The following TTBK2 variants were observed in gnomAD, a reference collection of about 807,000 sequenced individuals.
TTBK2 encodes tau-tubulin kinase 2.
A neutral mutation model predicts 110.8 loss-of-function variants in TTBK2; 28 were observed. That is an observed-to-expected ratio of 0.25 (90% CI 0.19 to 0.35). TTBK2 has a LOEUF of 0.35. Ranked by LOEUF, TTBK2 falls within the 10% of genes least tolerant of loss-of-function variation. TTBK2 has a pLI of 1.00. For missense variants in TTBK2, 1,369 were observed against 1,500.3 expected (o/e 0.91, Z 1.45); for synonymous variants, 532 against 527.3 (o/e 1.01, Z -0.12).
At chr15:42,886,082 C>G (rs190996908) in intron 1 of TTBK2, among the ~76,000 whole-genome samples, 68 of 152,200 alleles carry the variant, frequency 4.5e-4, no homozygotes, top group African/African-American at 1.5e-3. Flanking sequence ...GAGACTCATT[C>G]CAAATCTTTC....
intron 1 of TTBK2, among the ~76,000 whole-genome samples, chr15:42,904,115 C>T (rs2030231964): frequency 6.6e-6 from 1 of 152,150 alleles, no homozygotes; most frequent in Non-Finnish European, 1.5e-5. Flanking sequence ...TTGATTGCAG[C>T]CTATGACTGA....
chr15:42,775,678 A>G lies in TTBK2; in HGVS notation c.1455T>C (p.Ile485=), dbSNP rs1889885978. 6.2e-7 allele frequency: 1 copy of G among 1,613,356 alleles called. No homozygotes were observed. Among genetic ancestry groups the G allele is most frequent in the Non-Finnish European group, 8.5e-7 (1 of 1,179,828 alleles). The change falls in exon 13 of 15, where the codon ATT becomes ATC. Residue 485 remains isoleucine, a synonymous_variant. Coordinates refer to ENST00000267890, the MANE Select transcript of TTBK2 (RefSeq NM_173500.4). ...QKDTSAGKES[I]LPALLHKPCV... is the part of the protein sequence containing the mutation. ...AAGGCTTATGCAGCAGAGCAGGGAG[A>G]ATAGATTCTTTTCCTGCACTGGTAT... is the stretch of plus-strand genomic sequence containing the variant.
At chr15:42,819,374 G>C (rs1388985594) in intron 6 of TTBK2, among the ~76,000 whole-genome samples, 5 of 149,930 alleles carry the variant, frequency 3.3e-5, no homozygotes, top group Non-Finnish European at 4.4e-5. Context: ...GTCCTTACCA[G>C]AATAATTTGG....
chr15:42,868,096 G>T (rs1894453591), intron 3 of TTBK2, among the ~76,000 whole-genome samples: 1 of 152,162 alleles, frequency 6.6e-6, no homozygotes. Context: ...AAAGTAAAAA[G>T]ATTAGTCATT....
At chr15:42,755,361 G>A (rs76081565) in intron 13 of TTBK2, among the ~76,000 whole-genome samples, 8,417 of 152,202 alleles carry the variant, frequency 0.055, 674 homozygotes, top group African/African-American at 0.17. Flanking sequence ...TCGATCTCTA[G>A]TCCAAAGACA....
chr15:42,862,786 G>A (rs1283957513), intron 3 of TTBK2, among the ~76,000 whole-genome samples: 3 of 152,168 alleles, frequency 2.0e-5, no homozygotes, highest in Non-Finnish European at 4.4e-5. Flanking sequence ...TACTCGGGAG[G>A]CTGAAGCTGG....
At chr15:42,902,957 C>T (rs1186898982) in intron 1 of TTBK2, among the ~76,000 whole-genome samples, 1 of 150,650 alleles carries the variant, frequency 6.6e-6, no homozygotes, top group African/African-American at 2.4e-5. Context: ...TGCACTCCAG[C>T]CTGGGCAACA....
At chr15:42,912,817 G>A (rs1259111891) in intron 1 of TTBK2, among the ~76,000 whole-genome samples, 2 of 151,918 alleles carry the variant, frequency 1.3e-5, no homozygotes, top group Non-Finnish European at 2.9e-5. Flanking sequence ...ATTTTTCAAG[G>A]CATCTAATAT....
chr15:42,756,139 G>T (rs1383654177), intron 13 of TTBK2, among the ~76,000 whole-genome samples: 1 of 152,146 alleles, frequency 6.6e-6, no homozygotes, highest in African/African-American at 2.4e-5. Flanking sequence ...GGAGGATGCA[G>T]TGAGCCAAGA....
chr15:42,864,478 G>T (rs1281537178), intron 3 of TTBK2, among the ~76,000 whole-genome samples: 1 of 152,056 alleles, frequency 6.6e-6, no homozygotes, highest in Non-Finnish European at 1.5e-5. Context: ...CAAATACTCG[G>T]GAGGCTGAGG....
rs1444774102 is a variant in TTBK2, at chr15:42,752,904, C to T, written c.2342G>A (p.Ser781Asn). 6.2e-7 allele frequency: 1 copy of T among 1,614,192 alleles called. No individual in the cohort carries two copies. The highest frequency in any genetic ancestry group is 8.5e-7 in the Non-Finnish European group (1 of 1,180,020). The change falls in exon 14 of 15, where the codon AGC (serine) becomes AAC (asparagine). Residue 781 changes from serine to asparagine, a missense_variant. By Grantham distance (46) the Ser-to-Asn change is conservative. Transcript: ENST00000267890. ...TTCATTATCTGACTCTAAAAGGATG[C>T]TTTTCTCTTCAGTTTCCCCAGGGAG... is the stretch of plus-strand genomic sequence containing the variant. ...ENLPGETEEK[S>N]ILLESDNEDE...
At chr15:42,871,637 T>C (rs1894618432) in intron 3 of TTBK2, 12 of 973,518 alleles carry the variant, frequency 1.2e-5, no homozygotes, top group Non-Finnish European at 1.3e-5. Context: ...GAACAACAAC[T>C]CAAGAGAAAT....
intron 1 of TTBK2, among the ~76,000 whole-genome samples, chr15:42,893,934 C>T (rs1895567512): frequency 6.6e-6 from 1 of 152,056 alleles, no homozygotes; most frequent in African/African-American, 2.4e-5. Flanking sequence ...CTTAATAGTC[C>T]TACTAAAAAA....
At chr15:42,782,160 C>T (rs900254683) in intron 11 of TTBK2, among the ~76,000 whole-genome samples, 1 of 152,138 alleles carries the variant, frequency 6.6e-6, no homozygotes, top group African/African-American at 2.4e-5. Flanking sequence ...CAACCTCCAC[C>T]TCTCAGGTTC....
intron 14 of TTBK2, among the ~76,000 whole-genome samples, chr15:42,748,037 T>C (rs1199098619): frequency 6.6e-6 from 1 of 152,126 alleles, no homozygotes; most frequent in Non-Finnish European, 1.5e-5. Flanking sequence ...TAAAACACAA[T>C]TAATAAAAAA....
At chr15:42,809,354 T>C (rs2140921383) in intron 9 of TTBK2, among the ~76,000 whole-genome samples, 1 of 152,354 alleles carries the variant, frequency 6.6e-6, no homozygotes, top group African/African-American at 2.4e-5. Context: ...TAGTTTAAAA[T>C]AATCATTAAG....
At chr15:42,860,502 T>C (rs990618878) in intron 3 of TTBK2, among the ~76,000 whole-genome samples, 1 of 151,890 alleles carries the variant, frequency 6.6e-6, no homozygotes, top group Admixed American at 6.6e-5. Flanking sequence ...ATCCCAACAC[T>C]TTGGGAAGTC....
chr15:42,835,660 C>T (rs1374918359), intron 4 of TTBK2, among the ~76,000 whole-genome samples: 7 of 151,440 alleles, frequency 4.6e-5, no homozygotes, highest in East Asian at 1.9e-4. Context: ...AAGAGATGGA[C>T]GATCATTGAA....
intron 2 of TTBK2, among the ~76,000 whole-genome samples, chr15:42,877,456 C>T (rs117521758): frequency 2.0e-5 from 3 of 151,098 alleles, no homozygotes; most frequent in Non-Finnish European, 4.4e-5. Context: ...AGTCTACAGA[C>T]AAATCACCTA....
Sources: allele counts gnomAD v4.1 joint callset (sites outside exome capture counted in the v4.1 genomes callset), GRCh38; gene constraint gnomAD v4.1.1; transcripts MANE v1.5; gene names NCBI Gene and HGNC (gene_info 2026-07-23, HGNC 2026-07-21).